FILIP1: variants seen among roughly 807,000 people sequenced by gnomAD.
FILIP1 encodes the protein filamin-A-interacting protein 1.
Under a neutral mutation model 102.1 loss-of-function variants are expected in FILIP1, and 61 were observed. The ratio of observed to expected loss-of-function variants is 0.60; its 90% CI spans 0.49 to 0.74. The LOEUF (loss-of-function observed/expected upper bound fraction) is 0.74, where lower values mean the gene tolerates loss of function less well. FILIP1 is among the 30% of genes least tolerant of loss of function. The pLI, the probability that FILIP1 is intolerant of heterozygous loss-of-function variation, is 0.00. For synonymous variants in FILIP1, 491 were observed against 526.9 expected, an observed-to-expected ratio of 0.93 and a Z score of 0.93; for missense variants, 1,314 against 1,441.2, an observed-to-expected ratio of 0.91 and a Z score of 1.43.
chr6:75,344,428 T>C (rs1158309207), intron 4 of FILIP1, among the ~76,000 whole-genome samples: 1 of 152,230 alleles, frequency 6.6e-6, no homozygotes, highest in Non-Finnish European at 1.5e-5. Flanking sequence ...AACTGGAATA[T>C]CTTACTAAAA....
chr6:75,374,674 C>T (rs371447433), intron 2 of FILIP1, among the ~76,000 whole-genome samples: 2 of 152,132 alleles, frequency 1.3e-5, no homozygotes, highest in East Asian at 1.9e-4. Context: ...GTCACTGTGC[C>T]GGGCCAGTGA....
At chr6:75,415,902 G>T (rs376890637) in intron 1 of FILIP1, among the ~76,000 whole-genome samples, 52 of 152,228 alleles carry the variant, frequency 3.4e-4, no homozygotes, top group African/African-American at 1.2e-3. Context: ...CTACCAACAG[G>T]TATGTTACAA....
chr6:75,380,925 T>A (rs1025669617), intron 2 of FILIP1, among the ~76,000 whole-genome samples: 2 of 152,178 alleles, frequency 1.3e-5, no homozygotes, highest in African/African-American at 2.4e-5. Flanking sequence ...TATGAAAAAC[T>A]TTTTTCATAA....
intron 4 of FILIP1, among the ~76,000 whole-genome samples, chr6:75,329,798 A>G (rs1052341794): frequency 6.0e-4 from 91 of 152,248 alleles, no homozygotes; most frequent in African/African-American, 2.1e-3. Context: ...TTGTGGGTAC[A>G]TAGTAGGTAT....
chr6:75,381,901 T>C (rs1381174881), intron 2 of FILIP1, among the ~76,000 whole-genome samples: 2 of 152,226 alleles, frequency 1.3e-5, no homozygotes, highest in East Asian at 3.8e-4. Context: ...GATCCCATCA[T>C]TAGTAAAACA....
intron 1 of FILIP1, among the ~76,000 whole-genome samples, chr6:75,429,130 A>G (rs1406104844): frequency 6.6e-6 from 1 of 150,924 alleles, no homozygotes; most frequent in Non-Finnish European, 1.5e-5. Context: ...CAAAAGCTAC[A>G]CCAAGAGAGT....
intron 1 of FILIP1, among the ~76,000 whole-genome samples, chr6:75,481,055 T>A (rs890976200): frequency 6.6e-6 from 1 of 152,188 alleles, no homozygotes; most frequent in African/African-American, 2.4e-5. Context: ...CCTATCTTAT[T>A]TTCAGCCTCT....
chr6:75,332,056 C>T (rs916598511), intron 4 of FILIP1, among the ~76,000 whole-genome samples: 4 of 152,070 alleles, frequency 2.6e-5, no homozygotes, highest in Non-Finnish European at 5.9e-5. Context: ...ACCCTGATCT[C>T]GAACTCTCAG....
chr6:75,441,922 C>G (rs1235774673), intron 1 of FILIP1, among the ~76,000 whole-genome samples: 5 of 148,064 alleles, frequency 3.4e-5, no homozygotes, highest in African/African-American at 1.3e-4. Context: ...GGGCGGCTGG[C>G]CGGGCGGGGG....
chr6:75,381,983 G>A (rs1014392485), intron 2 of FILIP1, among the ~76,000 whole-genome samples: 6 of 152,102 alleles, frequency 3.9e-5, no homozygotes, highest in African/African-American at 1.4e-4. Context: ...ACAATTTTCA[G>A]TGAAAATATG....
intron 3 of FILIP1, among the ~76,000 whole-genome samples, chr6:75,362,455 T>G (rs1403933042): frequency 6.6e-6 from 1 of 152,238 alleles, no homozygotes; most frequent in Non-Finnish European, 1.5e-5. Context: ...ACACATATCA[T>G]TTCTTAGAGA....
intron 4 of FILIP1, chr6:75,319,113 CT>C: frequency 4.1e-6 from 3 of 727,214 alleles, no homozygotes; most frequent in Non-Finnish European, 5.0e-6. Flanking sequence ...CCTCTTCCTT[CT>C]TTTTCTTGCT....
chr6:75,411,303 G>A (rs1042939783), intron 2 of FILIP1, among the ~76,000 whole-genome samples: 1 of 152,122 alleles, frequency 6.6e-6, no homozygotes, highest in African/African-American at 2.4e-5. Context: ...GTTCCTTGTA[G>A]ATTCTGGATA....
At chr6:75,366,457 G>GA (rs1400768100) in intron 2 of FILIP1, among the ~76,000 whole-genome samples, 1 of 152,206 alleles carries the variant, frequency 6.6e-6, no homozygotes, top group Admixed American at 6.5e-5. Context: ...AATGTGTCCA[G>GA]CTTTGAAGAG....
At chr6:75,323,880 G>C (rs937723056) in intron 4 of FILIP1, among the ~76,000 whole-genome samples, 7 of 152,148 alleles carry the variant, frequency 4.6e-5, no homozygotes, top group African/African-American at 1.7e-4. Context: ...CATGAGGCCT[G>C]ATGGTTTTAA....
chr6:75,456,716 C>A (rs554494861), intron 1 of FILIP1, among the ~76,000 whole-genome samples: 2 of 151,968 alleles, frequency 1.3e-5, no homozygotes, highest in African/African-American at 4.8e-5. Context: ...CATGCCACCA[C>A]GCCCAGCTAA....
At chr6:75,295,775 A>T in exon 7 of FILIP1, 1 of 508,582 alleles carries the variant, frequency 2.0e-6, no homozygotes. Flanking sequence ...ATCCTTAAAA[A>T]AAAATCACTG....
At chr6:75,408,745 T>C (rs953935297) in intron 2 of FILIP1, among the ~76,000 whole-genome samples, 28 of 152,226 alleles carry the variant, frequency 1.8e-4, no homozygotes, top group Admixed American at 7.9e-4. Flanking sequence ...ATACCTACTA[T>C]GGGCAGACTT....
chr6:75,366,134 C>T (rs1775324274), intron 2 of FILIP1: 1 of 152,176 alleles, frequency 6.6e-6, no homozygotes, highest in Non-Finnish European at 1.5e-5. Context: ...TAGGTTTTCC[C>T]ACCTAATATT....
Sources: allele counts gnomAD v4.1 joint callset (sites outside exome capture counted in the v4.1 genomes callset), GRCh38; gene constraint gnomAD v4.1.1; transcripts MANE v1.5; gene names NCBI Gene and HGNC (gene_info 2026-07-23, HGNC 2026-07-21).